The following PTPRT variants were observed in gnomAD, a reference collection of about 807,000 sequenced individuals.
PTPRT encodes the protein protein tyrosine phosphatase receptor type T.
PTPRT carries 56 observed loss-of-function variants against 176.8 expected under a neutral mutation model. The observed-to-expected ratio is 0.32, with a 90% CI of 0.26 to 0.40. PTPRT has a LOEUF of 0.40. PTPRT is among the 10% of genes least tolerant of loss of function. PTPRT has a pLI of 1.00. For missense variants in PTPRT, 1,540 were observed against 1,908.2 expected (o/e 0.81, Z 3.60); for synonymous variants, 783 against 739.0 (o/e 1.06, Z -0.96).
intron 1 of PTPRT, among the ~76,000 whole-genome samples, chr20:43,088,311 G>T (rs1054352316): frequency 3.4e-5 from 5 of 149,140 alleles, no homozygotes; most frequent in Non-Finnish European, 5.9e-5. Context: ...GTTATATTGT[G>T]TTAGGTTTTG....
intron 7 of PTPRT, among the ~76,000 whole-genome samples, chr20:42,571,920 G>C (rs1046956491): frequency 2.0e-5 from 3 of 152,182 alleles, no homozygotes; most frequent in African/African-American, 7.2e-5. Context: ...TCAGCCAGGA[G>C]AATCTCATTA....
chr20:42,637,715 G>A (rs1482256573), intron 7 of PTPRT, among the ~76,000 whole-genome samples: 1 of 152,098 alleles, frequency 6.6e-6, no homozygotes, highest in Non-Finnish European at 1.5e-5. Context: ...TTGATTCACT[G>A]CTGAGTTCCC....
At chr20:42,454,682 C>A (rs1346913085) in intron 8 of PTPRT, among the ~76,000 whole-genome samples, 1 of 152,134 alleles carries the variant, frequency 6.6e-6, no homozygotes, top group Non-Finnish European at 1.5e-5. Flanking sequence ...TACTGAAAAA[C>A]TTCTTTTAAT....
chr20:42,466,712 T>C (rs1008531955), intron 8 of PTPRT, among the ~76,000 whole-genome samples: 5 of 151,970 alleles, frequency 3.3e-5, no homozygotes, highest in Admixed American at 6.6e-5. Context: ...AAAAATAAAT[T>C]ATACTCCCTA....
At chr20:42,614,750 T>C (rs999873680) in intron 7 of PTPRT, among the ~76,000 whole-genome samples, 4 of 152,104 alleles carry the variant, frequency 2.6e-5, no homozygotes, top group Non-Finnish European at 5.9e-5. Context: ...TACCTGAGAC[T>C]GGGCAATTTA....
intron 11 of PTPRT, among the ~76,000 whole-genome samples, chr20:42,321,562 C>T (rs1404963041): frequency 6.6e-6 from 1 of 152,172 alleles, no homozygotes; most frequent in African/African-American, 2.4e-5. Context: ...AGCATTAATA[C>T]ATAATTACCA....
At position 42,626,058 on chromosome 20, in the gene PTPRT, G is replaced by T. The variant is rs532507443; in HGVS notation, c.1153+51808C>A. Reference sequence around the variant, plus strand: ...TGATGCTAAACACTTTTCGATATCAGCTAACAGCATGAGACTAACTATCGA... The same window carrying T: ...TGATGCTAAACACTTTTCGATATCATCTAACAGCATGAGACTAACTATCGA... On this transcript the variant is annotated intron_variant, in intron 7 of 30. Coordinates refer to ENST00000373187, the MANE Select transcript of PTPRT (RefSeq NM_007050.6). Among the ~76,000 whole-genome samples the T allele has an allele frequency of 3.5e-4, 53 of 152,070 alleles. 1 individual carries two copies. The highest frequency in any genetic ancestry group is 5.3e-4 in the Non-Finnish European group (36 of 67,986).
At chr20:42,440,613 G>A (rs1394817198) in intron 9 of PTPRT, among the ~76,000 whole-genome samples, 2 of 151,948 alleles carry the variant, frequency 1.3e-5, no homozygotes, top group Non-Finnish European at 2.9e-5. Flanking sequence ...GAGTAGCTGG[G>A]ACTACAGGTG....
the PTPRT span, among the ~76,000 whole-genome samples, chr20:42,065,287 T>C: frequency 8.4e-6 from 1 of 119,258 alleles, no homozygotes; most frequent in African/African-American, 7.1e-5. Context: ...CTCTTAGCTA[T>C]TGATTAATAT....
intron 2 of PTPRT, among the ~76,000 whole-genome samples, chr20:42,845,962 G>T (rs1294288600): frequency 2.0e-5 from 3 of 152,046 alleles, no homozygotes; most frequent in Non-Finnish European, 4.4e-5. Context: ...CCCAGCATAG[G>T]TCTATTAAAG....
chr20:42,815,892 A>T (rs1259695041), intron 2 of PTPRT, among the ~76,000 whole-genome samples: 1 of 152,238 alleles, frequency 6.6e-6, no homozygotes. Context: ...GAGCCACACA[A>T]GACTACTTAC....
chr20:42,912,320 T>C (rs181349606), intron 1 of PTPRT, among the ~76,000 whole-genome samples: 1 of 152,226 alleles, frequency 6.6e-6, no homozygotes, highest in Non-Finnish European at 1.5e-5. Flanking sequence ...TGAGGTTGAA[T>C]GTTTTTTATA....
At chr20:42,886,016 C>G in intron 1 of PTPRT, 84 bp from the exon 2 acceptor site, 1 of 1,191,736 alleles carries the variant, frequency 8.4e-7, no homozygotes, top group South Asian at 2.1e-5. Context: ...TCTTCATTTA[C>G]AGCTTTGAAT....
At chr20:42,658,601 G>A (rs371210772) in intron 7 of PTPRT, among the ~76,000 whole-genome samples, 23 of 152,288 alleles carry the variant, frequency 1.5e-4, no homozygotes, top group South Asian at 4.1e-4. Context: ...TCACTGTTCC[G>A]TGCAGGTCTG....
At chr20:42,817,945 T>G (rs1038956267) in intron 2 of PTPRT, among the ~76,000 whole-genome samples, 1 of 152,204 alleles carries the variant, frequency 6.6e-6, no homozygotes, top group African/African-American at 2.4e-5. Context: ...CTCTTCCTGG[T>G]AGCTCTGAGG....
At chr20:43,099,001 T>C (rs2012282502) in intron 1 of PTPRT, among the ~76,000 whole-genome samples, 1 of 152,144 alleles carries the variant, frequency 6.6e-6, no homozygotes, top group Admixed American at 6.6e-5. Flanking sequence ...GCAGGATTTA[T>C]GCCAGGCTTG....
At chr20:42,760,095 T>A (rs999472788) in intron 5 of PTPRT, among the ~76,000 whole-genome samples, 1 of 152,136 alleles carries the variant, frequency 6.6e-6, no homozygotes, top group Admixed American at 6.5e-5. Context: ...TGTCCATCAG[T>A]CATTGGTCAG....
intron 9 of PTPRT, among the ~76,000 whole-genome samples, chr20:42,365,647 T>G (rs117874479): frequency 2.1e-3 from 317 of 152,082 alleles, no homozygotes; most frequent in Non-Finnish European, 3.9e-3. Flanking sequence ...ACACTGACGA[T>G]AGCTGATGAG....
chr20:42,655,694 G>A (rs2075113207), intron 7 of PTPRT, among the ~76,000 whole-genome samples: 1 of 151,558 alleles, frequency 6.6e-6, no homozygotes, highest in Non-Finnish European at 1.5e-5. Context: ...TGGGTGTAAA[G>A]GCTAAGGATG....
Sources: gnomAD v4.1 joint callset for allele counts (sites outside exome capture counted in the v4.1 genomes callset) on GRCh38, gnomAD v4.1.1 for gene constraint, MANE v1.5 for transcripts, NCBI Gene and HGNC (gene_info 2026-07-23, HGNC 2026-07-21) for gene names.